Variants in ARHGEF10L observed in about 807,000 individuals in gnomAD.
ARHGEF10L encodes rho guanine nucleotide exchange factor 10-like protein.
A neutral mutation model predicts 141.2 loss-of-function variants in ARHGEF10L; 69 were observed. The ratio of observed to expected loss-of-function variants is 0.49; its 90% CI spans 0.40 to 0.60. ARHGEF10L has a LOEUF of 0.60. Among genes scored for constraint, ARHGEF10L ranks in the 20% least tolerant of loss-of-function variants. The probability of loss-of-function intolerance (pLI) is 0.00; values close to 1 mark genes in which losing one functional copy is unlikely to be tolerated. For synonymous variants in ARHGEF10L, 711 were observed against 718.5 expected, an observed-to-expected ratio of 0.99 and a Z score of 0.17; for missense variants, 1,482 against 1,734.3, an observed-to-expected ratio of 0.85 and a Z score of 2.58.
intron 9 of ARHGEF10L, among the ~76,000 whole-genome samples, chr1:17,616,877 A>C (rs1019737009): frequency 2.0e-5 from 3 of 152,198 alleles, no homozygotes; most frequent in Non-Finnish European, 4.4e-5. Context: ...GTGGGAAAGT[A>C]CGAGATGTTC....
At chr1:17,544,276 G>T (rs1417696387) in intron 1 of ARHGEF10L, among the ~76,000 whole-genome samples, 1 of 148,406 alleles carries the variant, frequency 6.7e-6, no homozygotes, top group African/African-American at 2.5e-5. Context: ...ATATATATGT[G>T]TGTATATATA....
chr1:17,516,515 C>T, the ARHGEF10L span, among the ~76,000 whole-genome samples: 3 of 152,316 alleles, frequency 2.0e-5, no homozygotes, highest in Admixed American at 1.3e-4. Flanking sequence ...CCACACTCCC[C>T]GTCCCTGTCC....
rs1449122850 is a variant in ARHGEF10L at position 17,635,006 on chromosome 1, G to T, written c.1917G>T (p.Gly639=). 1.2e-6 allele frequency: 2 copies of T among 1,614,048 alleles called. No homozygotes were observed. Among genetic ancestry groups the T allele is most frequent in the Non-Finnish European group, 1.7e-6 (2 of 1,179,940 alleles). Residue 639 remains glycine (G), a synonymous_variant, in exon 18 of 29, where the codon GGG becomes GGT. Coordinates refer to ENST00000361221, the MANE Select transcript of ARHGEF10L (RefSeq NM_018125.4). ...HSGAKKASAS[G]QAQNKVYLGP... ...GCGCCAAGAAGGCCTCTGCCTCAGG[G>T]CAGGCTCAGAGTGAGTACCCCCTCT... is the stretch of plus-strand genomic sequence containing the variant.
chr1:17,603,631 A>G lies in ARHGEF10L; in HGVS notation c.433+40A>G, dbSNP rs762082360. 8 of 1,537,718 alleles carry G rather than the reference A, an allele frequency of 5.2e-6. No homozygotes were observed. The South Asian group carries it at 9.7e-5, about 19-fold the overall frequency. Reference sequence around the variant, plus strand: ...GTGCTTCCCTGTTTCTCTTGGGGACAGGGGAGGGAGGCTGGGACTGGGGAG... The same window carrying G: ...GTGCTTCCCTGTTTCTCTTGGGGACGGGGGAGGGAGGCTGGGACTGGGGAG... On this transcript the variant is annotated intron_variant, in intron 6 of 28. Coordinates refer to ENST00000361221, the MANE Select transcript of ARHGEF10L (RefSeq NM_018125.4). The surrounding 1 kb of genome is among the most constrained non-coding windows in gnomAD (Gnocchi z 4.8).
At chr1:17,612,262 T>A (rs1028337809) in intron 7 of ARHGEF10L, among the ~76,000 whole-genome samples, 9 of 152,108 alleles carry the variant, frequency 5.9e-5, no homozygotes, top group Non-Finnish European at 1.3e-4. Flanking sequence ...CAGGGCCCTT[T>A]TTCCTGCAGA....
chr1:17,678,077 T>C (rs961852913), intron 26 of ARHGEF10L, among the ~76,000 whole-genome samples: 1 of 152,040 alleles, frequency 6.6e-6, no homozygotes, highest in Non-Finnish European at 1.5e-5. Flanking sequence ...GCCCCCTCTC[T>C]ATGGCTCAGT....
At chr1:17,559,511 G>A (rs1009861361) in intron 1 of ARHGEF10L, among the ~76,000 whole-genome samples, 2 of 152,162 alleles carry the variant, frequency 1.3e-5, no homozygotes, top group African/African-American at 2.4e-5. Context: ...CCCCAGGGCC[G>A]CTGGGAGGAG....
chr1:17,608,942 C>T (rs1267270054), intron 7 of ARHGEF10L, among the ~76,000 whole-genome samples: 1 of 152,080 alleles, frequency 6.6e-6, no homozygotes, highest in Non-Finnish European at 1.5e-5. Flanking sequence ...CACCATCATG[C>T]CTGGCTAATT....
chr1:17,634,403 G>C (rs1557883562), intron 16 of ARHGEF10L, 145 bp from the exon 17 acceptor site: 2 of 1,366,500 alleles, frequency 1.5e-6, no homozygotes, highest in Non-Finnish European at 2.1e-6. Flanking sequence ...CCTGGCCTCT[G>C]ATGCCCTCAT....
At chr1:17,601,499 G>A (rs1027336253) in intron 4 of ARHGEF10L, among the ~76,000 whole-genome samples, 6 of 152,202 alleles carry the variant, frequency 3.9e-5, no homozygotes, top group South Asian at 2.1e-4. Flanking sequence ...AGGCTGGAGT[G>A]TAGTGGCATG....
chr1:17,636,693 C>G (rs2061022093), intron 18 of ARHGEF10L, among the ~76,000 whole-genome samples: 1 of 152,110 alleles, frequency 6.6e-6, no homozygotes, highest in Non-Finnish European at 1.5e-5. Flanking sequence ...TACCAGGTGA[C>G]CATTCAGGTG....
chr1:17,617,987 A>G (rs1451677803), intron 9 of ARHGEF10L, among the ~76,000 whole-genome samples: 1 of 152,002 alleles, frequency 6.6e-6, no homozygotes, highest in Non-Finnish European at 1.5e-5. Context: ...CATCTGTAAC[A>G]TGGGTTGAGC....
intron 3 of ARHGEF10L, 129 bp downstream of exon 3, chr1:17,587,774 A>G (rs2079151717): frequency 9.5e-7 from 1 of 1,053,976 alleles, no homozygotes. Flanking sequence ...GGGAAAAGCC[A>G]GTGGGAAGAA....
intron 21 of ARHGEF10L, among the ~76,000 whole-genome samples, chr1:17,641,015 G>A (rs1016980910): frequency 4.6e-5 from 7 of 152,178 alleles, no homozygotes; most frequent in African/African-American, 1.7e-4. Flanking sequence ...ACTTGCCTGA[G>A]GTCACACAGA....
the ARHGEF10L span, among the ~76,000 whole-genome samples, chr1:17,522,026 C>T: frequency 2.0e-5 from 3 of 152,316 alleles, no homozygotes; most frequent in East Asian, 1.9e-4. Context: ...CCAGGACGGA[C>T]GGTTGTGTGC....
intron 4 of ARHGEF10L, among the ~76,000 whole-genome samples, chr1:17,600,704 C>T (rs1407870838): frequency 1.3e-5 from 2 of 152,138 alleles, no homozygotes; most frequent in Non-Finnish European, 2.9e-5. Flanking sequence ...TAGCCTGCTC[C>T]AGCCCGTGGC....
intron 9 of ARHGEF10L, chr1:17,618,293 G>T: frequency 1.6e-6 from 2 of 1,280,672 alleles, no homozygotes. Context: ...CCTTCCTGAA[G>T]TGACCCTCCC....
At chr1:17,634,290 C>T (rs543151500) in intron 16 of ARHGEF10L, 8 of 624,530 alleles carry the variant, frequency 1.3e-5, no homozygotes, top group Non-Finnish European at 2.3e-5. Context: ...GGCTGAGTCA[C>T]TTCACTTGAC....
At chr1:17,539,571 A>T (rs1454986971), upstream of ARHGEF10L, among the ~76,000 whole-genome samples, 1 of 151,406 alleles carries the variant, frequency 6.6e-6, no homozygotes, top group Non-Finnish European at 1.5e-5. This position sits in a 1 kb window ranked among gnomAD's most constrained non-coding sequence, Gnocchi z 6.0. Flanking sequence ...GGGTCGGGGG[A>T]GGCCACGTCT....
Sources: allele counts gnomAD v4.1 joint callset (sites outside exome capture counted in the v4.1 genomes callset), GRCh38; gene constraint gnomAD v4.1.1; non-coding constraint Gnocchi (gnomAD v3.1); transcripts MANE v1.5; gene names NCBI Gene and HGNC (gene_info 2026-07-23, HGNC 2026-07-21).